Variants in HLF observed in about 807,000 individuals in gnomAD.
The protein encoded by HLF is HLF transcription factor, PAR bZIP family member.
HLF carries 3 observed loss-of-function variants against 22.6 expected under a neutral mutation model. That is an observed-to-expected ratio of 0.13 (90% CI 0.06 to 0.34). The LOEUF (loss-of-function observed/expected upper bound fraction) is 0.34, where lower values mean the gene tolerates loss of function less well. Among genes scored for constraint, HLF ranks in the 10% least tolerant of loss-of-function variants. HLF has a pLI of 1.00. For missense variants in HLF, 299 were observed against 389.2 expected, an observed-to-expected ratio of 0.77 and a Z score of 1.95; for synonymous variants, 151 against 151.8, an observed-to-expected ratio of 0.99 and a Z score of 0.04.
intron 2 of HLF, among the ~76,000 whole-genome samples, chr17:55,313,359 CGTGTGTGTGTGT>C (rs58593405): frequency 1.4e-5 from 2 of 147,244 alleles, no homozygotes; most frequent in East Asian, 4.0e-4. Context: ...GAGGTGTGTG[CGTGTGTGTGTGT>C]GTGTGTGTGT....
chr17:55,306,543 T>C (rs987462742), intron 2 of HLF, among the ~76,000 whole-genome samples: 23 of 108,112 alleles, frequency 2.1e-4, no homozygotes, highest in Non-Finnish European at 3.5e-4. Flanking sequence ...AGGAAGTGTG[T>C]GTGTGTGTGT....
intron 2 of HLF, among the ~76,000 whole-genome samples, chr17:55,285,827 T>C (rs979637038): frequency 6.6e-6 from 1 of 152,208 alleles, no homozygotes; most frequent in Admixed American, 6.5e-5. Flanking sequence ...GTTAGAGAAG[T>C]GTTGTTTGCC....
At chr17:55,281,675 T>C (rs1303524136) in intron 2 of HLF, among the ~76,000 whole-genome samples, 3 of 152,244 alleles carry the variant, frequency 2.0e-5, no homozygotes, top group Admixed American at 2.0e-4. Flanking sequence ...TGACTGTAAG[T>C]AGTTGTAGCA....
chr17:55,277,230 A>ATAT (rs2080911486), intron 2 of HLF, among the ~76,000 whole-genome samples: 1 of 96,476 alleles, frequency 1.0e-5, no homozygotes, highest in African/African-American at 3.5e-5. Flanking sequence ...ATTGAACCAG[A>ATAT]TGTTATGTGT....
chr17:55,308,986 G>C (rs1269405491), intron 2 of HLF, among the ~76,000 whole-genome samples: 1 of 152,174 alleles, frequency 6.6e-6, no homozygotes, highest in Non-Finnish European at 1.5e-5. Flanking sequence ...TACAGAAAAG[G>C]GGCAGAAACA....
chr17:55,300,497 A>G (rs1161998560), intron 2 of HLF, among the ~76,000 whole-genome samples: 1 of 152,214 alleles, frequency 6.6e-6, no homozygotes, highest in Non-Finnish European at 1.5e-5. Context: ...AGGCTTCTTC[A>G]TCTGGGCATC....
chr17:55,279,730 A>G (rs2080936732), intron 2 of HLF, among the ~76,000 whole-genome samples: 1 of 152,228 alleles, frequency 6.6e-6, no homozygotes, highest in South Asian at 2.1e-4. Context: ...ACAAGTGCGT[A>G]TTAGTGAATA....
chr17:55,283,614 T>A (rs9891716), intron 2 of HLF: 26,826 of 152,188 alleles, frequency 0.18, 4,992 homozygotes, highest in African/African-American at 0.47. Context: ...TAACAGAGGG[T>A]ATGGAAGAAA....
chr17:55,321,659 G>A lies in HLF; in HGVS notation c.*780G>A, dbSNP rs1905267004. On this transcript the variant is annotated 3_prime_UTR_variant, in exon 4 of 4. Transcript: ENST00000226067. The stretch of plus-strand genomic sequence containing the variant: ...GCCTGAGTATTACTAGTGGACGTAG[G>A]ATATTTTCCCTACCTAAGAATTTCA... 1 of 228,270 alleles carries A rather than the reference G, an allele frequency of 4.4e-6. No homozygotes were observed. 14.1% of individuals were successfully genotyped at this position (228,270 alleles called of 1,614,324 possible).
At chr17:55,280,731 T>G (rs2080946209) in intron 2 of HLF, among the ~76,000 whole-genome samples, 1 of 152,190 alleles carries the variant, frequency 6.6e-6, no homozygotes, top group South Asian at 2.1e-4. Flanking sequence ...CTCCCTGGCC[T>G]TCTGCTCTCC....
At chr17:55,268,432 G>T (rs1246919246) in intron 2 of HLF, among the ~76,000 whole-genome samples, 1 of 152,208 alleles carries the variant, frequency 6.6e-6, no homozygotes, top group Non-Finnish European at 1.5e-5. Flanking sequence ...TACAGTTAAT[G>T]ATTTGGATAA....
At chr17:55,305,673 T>C (rs748082130) in intron 2 of HLF, among the ~76,000 whole-genome samples, 1 of 152,188 alleles carries the variant, frequency 6.6e-6, no homozygotes, top group Non-Finnish European at 1.5e-5. Flanking sequence ...TTTTCCTCTT[T>C]AAAATGTGGG....
At position 55,269,855 on chromosome 17, in the gene HLF, T is replaced by C. The variant is rs560682194; in HGVS notation, c.451+1769T>C. Among the ~76,000 whole-genome samples the C allele has an allele frequency of 3.3e-5, 5 of 152,360 alleles. No homozygotes were observed. The South Asian group carries it at 8.3e-4, about 25-fold the overall frequency. Reference sequence around the variant, plus strand: ...TCAGGAGATTTTGCCCAGTAGTTACTGGATTGGGGTATTTTGACCAACACT... The same window carrying C: ...TCAGGAGATTTTGCCCAGTAGTTACCGGATTGGGGTATTTTGACCAACACT... On this transcript the variant is annotated intron_variant, in intron 2 of 3. Coordinates refer to ENST00000226067, the MANE Select transcript of HLF (RefSeq NM_002126.5).
At chr17:55,318,557 G>A (rs111236167) in intron 3 of HLF, among the ~76,000 whole-genome samples, 7 of 152,236 alleles carry the variant, frequency 4.6e-5, no homozygotes, top group African/African-American at 1.7e-4. Flanking sequence ...CAAGCCTGTG[G>A]CCTATGGTGG....
At chr17:55,289,454 C>T (rs2081038581) in intron 2 of HLF, among the ~76,000 whole-genome samples, 1 of 152,214 alleles carries the variant, frequency 6.6e-6, no homozygotes, top group Non-Finnish European at 1.5e-5. Context: ...CTTGAGCCTC[C>T]TCACATTTGC....
At chr17:55,296,466 G>A (rs750442441) in intron 2 of HLF, among the ~76,000 whole-genome samples, 4 of 152,108 alleles carry the variant, frequency 2.6e-5, no homozygotes, top group African/African-American at 7.2e-5. Flanking sequence ...ATATATGGGG[G>A]TGGGTGTGTA....
At chr17:55,267,721 T>C (rs2080807436) in intron 1 of HLF, 30 bp from the exon 2 acceptor site, 1 of 1,454,674 alleles carries the variant, frequency 6.9e-7, no homozygotes, top group Non-Finnish European at 9.3e-7. Flanking sequence ...CTTTCTTTTT[T>C]TTTAAGTCCA....
At chr17:55,290,840 G>A (rs1262104124) in intron 2 of HLF, among the ~76,000 whole-genome samples, 5 of 152,192 alleles carry the variant, frequency 3.3e-5, no homozygotes, top group Admixed American at 2.6e-4. Flanking sequence ...CAAAGGAAAA[G>A]TTCTTGAAGG....
At chr17:55,281,413 T>A (rs2080954701) in intron 2 of HLF, among the ~76,000 whole-genome samples, 1 of 152,164 alleles carries the variant, frequency 6.6e-6, no homozygotes, top group Admixed American at 6.5e-5. Flanking sequence ...CTCAGGAGGC[T>A]GAGGCAGGAG....
Sources: gnomAD v4.1 joint callset for allele counts (sites outside exome capture counted in the v4.1 genomes callset) on GRCh38, gnomAD v4.1.1 for gene constraint, MANE v1.5 for transcripts, NCBI Gene and HGNC (gene_info 2026-07-23, HGNC 2026-07-21) for gene names.